Variants in DSCAML1 observed in about 807,000 individuals in gnomAD.
DSCAML1 encodes cell adhesion molecule DSCAML1.
A neutral mutation model predicts 200.5 loss-of-function variants in DSCAML1; 38 were observed. That is an observed-to-expected ratio of 0.19 (90% CI 0.15 to 0.25). DSCAML1 has a LOEUF of 0.25. DSCAML1 is among the 10% of genes least tolerant of loss of function. DSCAML1 has a pLI of 1.00. For synonymous variants in DSCAML1, 1,215 were observed against 1,165.0 expected (o/e 1.04, Z -0.87); for missense variants, 2,223 against 2,858.8 (o/e 0.78, Z 5.07).
At position 117,437,516 on chromosome 11, in the gene DSCAML1, G is replaced by T; in HGVS notation, c.4433-107C>A. 7.5e-7 allele frequency: 1 copy of T among 1,341,790 alleles called. No homozygotes were observed. The highest frequency in any genetic ancestry group is 1.0e-6 in the Non-Finnish European group (1 of 972,662). 83.1% of individuals were successfully genotyped at this position (1,341,790 alleles called of 1,614,324 possible). A position where few individuals can be genotyped will look rare whatever the true frequency, so the allele number is the denominator to read the frequency against. On this transcript the variant is annotated intron_variant, in intron 25 of 32. Coordinates refer to ENST00000651296, the MANE Select transcript of DSCAML1 (RefSeq NM_020693.4). This position sits in a 1 kb window ranked among gnomAD's most constrained non-coding sequence, Gnocchi z 5.3. Reference sequence around the variant, plus strand: ...CCCTGGGGCAGCTGGGATGGCAGTGGCTCCAGGAGAATACATGTTTGGCAC... The same window carrying T: ...CCCTGGGGCAGCTGGGATGGCAGTGTCTCCAGGAGAATACATGTTTGGCAC...
chr11:117,512,823 C>T (rs1438185904), intron 8 of DSCAML1, among the ~76,000 whole-genome samples: 2 of 151,136 alleles, frequency 1.3e-5, no homozygotes, highest in African/African-American at 4.9e-5. Context: ...CCCCCCACTT[C>T]CCTCCCTCTC....
chr11:117,728,530 A>G (rs565580900), intron 3 of DSCAML1, among the ~76,000 whole-genome samples: 25 of 50,422 alleles, frequency 5.0e-4, no homozygotes, highest in African/African-American at 7.4e-4. Flanking sequence ...GTAATCCTGT[A>G]TATAAAAAAC....
At chr11:117,509,453 G>GACCAGATC (rs1340507167) in intron 8 of DSCAML1, among the ~76,000 whole-genome samples, 1 of 152,154 alleles carries the variant, frequency 6.6e-6, no homozygotes. Context: ...ATGACCAGAT[G>GACCAGATC]ACCTCCCAGA....
chr11:117,702,761 T>A (rs956484177), intron 3 of DSCAML1, among the ~76,000 whole-genome samples: 2 of 152,212 alleles, frequency 1.3e-5, no homozygotes, highest in African/African-American at 4.8e-5. Context: ...ACTAGGTGTT[T>A]TAGCTTCATT....
At chr11:117,680,421 CCA>C (rs1349900512) in intron 3 of DSCAML1, among the ~76,000 whole-genome samples, 111 of 152,328 alleles carry the variant, frequency 7.3e-4, no homozygotes, top group African/African-American at 2.6e-3. Flanking sequence ...CCTGGCTAGG[CCA>C]CAGAGCAGAA....
intron 11 of DSCAML1, among the ~76,000 whole-genome samples, chr11:117,493,162 G>A (rs1031235099): frequency 1.3e-5 from 2 of 152,180 alleles, no homozygotes; most frequent in Non-Finnish European, 2.9e-5. Context: ...TGGGGGTCCA[G>A]TTGAGGCCCT....
intron 3 of DSCAML1, among the ~76,000 whole-genome samples, chr11:117,734,176 C>G (rs2054277574): frequency 1.3e-5 from 2 of 152,188 alleles, no homozygotes; most frequent in African/African-American, 4.8e-5. Flanking sequence ...TTTGGTCACT[C>G]CTCTTTTCTC....
intron 3 of DSCAML1, among the ~76,000 whole-genome samples, chr11:117,761,491 G>T (rs763963456): frequency 6.6e-6 from 1 of 152,250 alleles, no homozygotes; most frequent in Non-Finnish European, 1.5e-5. Flanking sequence ...ACATGGCTTG[G>T]ATTGAGTCCC....
At chr11:117,472,064 A>T in intron 14 of DSCAML1, 28 bp from the exon 15 acceptor site, 1 of 1,610,364 alleles carries the variant, frequency 6.2e-7, no homozygotes, top group Non-Finnish European at 8.5e-7. Context: ...ATGTCAAAGC[A>T]TGGCCAGGCA....
intron 16 of DSCAML1, among the ~76,000 whole-genome samples, chr11:117,466,662 G>A (rs2048586565): frequency 6.6e-6 from 1 of 152,110 alleles, no homozygotes; most frequent in African/African-American, 2.4e-5. Context: ...GATCGACAGA[G>A]TGAGACTCTG....
chr11:117,760,071 A>C (rs1407562491), intron 3 of DSCAML1, among the ~76,000 whole-genome samples: 2 of 151,924 alleles, frequency 1.3e-5, no homozygotes, highest in Non-Finnish European at 1.5e-5. Context: ...ACAACCTCCT[A>C]TCTCCGCACT....
At chr11:117,486,853 T>C (rs1592654390) in intron 11 of DSCAML1, among the ~76,000 whole-genome samples, 1 of 102,416 alleles carries the variant, frequency 9.8e-6, no homozygotes, top group African/African-American at 3.7e-5. Context: ...GTGATAAGTA[T>C]AAAATACATA....
At chr11:117,600,084 C>T (rs2051436324) in intron 3 of DSCAML1, among the ~76,000 whole-genome samples, 2 of 152,144 alleles carry the variant, frequency 1.3e-5, no homozygotes, top group Non-Finnish European at 2.9e-5. Context: ...AGAGGTATGG[C>T]GAGAAGGGAA....
chr11:117,458,063 ACTGTGCCTCCCTGGCGGCC>A (rs1347087358), intron 19 of DSCAML1, among the ~76,000 whole-genome samples: 2 of 135,910 alleles, frequency 1.5e-5, no homozygotes, highest in African/African-American at 2.7e-5. Flanking sequence ...CTGTTCATGC[ACTGTGCCTCCCTGGCGGCC>A]CTGGGGTAGT....
chr11:117,505,877 T>C lies in DSCAML1; in HGVS notation c.1784-145A>G. ...CACTGCAGCCTTGTTCTCCTATGCATGCAGGGTCTCCTAATGATGCCTGGC... is the reference window on the plus strand; with the variant it reads ...CACTGCAGCCTTGTTCTCCTATGCACGCAGGGTCTCCTAATGATGCCTGGC... On this transcript the variant is annotated intron_variant, in intron 8 of 32. Transcript: ENST00000651296. The surrounding 1 kb of genome is among the most constrained non-coding windows in gnomAD (Gnocchi z 6.7). The C allele has an allele frequency of 1.0e-6, 1 of 994,714 alleles. No homozygotes were observed. Among genetic ancestry groups the C allele is most frequent in the Non-Finnish European group, 1.4e-6 (1 of 693,012 alleles). The allele number at this position is 994,714 out of a possible 1,614,324, so 61.6% of individuals were successfully genotyped here. A position where few individuals can be genotyped will look rare whatever the true frequency, so the allele number is the denominator to read the frequency against.
intron 3 of DSCAML1, among the ~76,000 whole-genome samples, chr11:117,560,730 G>T (rs2050646628): frequency 6.6e-6 from 1 of 152,106 alleles, no homozygotes; most frequent in African/African-American, 2.4e-5. Context: ...AGAAAAATTG[G>T]CATAACATCC....
intron 3 of DSCAML1, among the ~76,000 whole-genome samples, chr11:117,746,576 G>A (rs1199368352): frequency 6.6e-6 from 1 of 152,140 alleles, no homozygotes; most frequent in Non-Finnish European, 1.5e-5. Flanking sequence ...CTGCCATTGG[G>A]GGCATCTTTC....
intron 3 of DSCAML1, among the ~76,000 whole-genome samples, chr11:117,747,138 T>C (rs1377652718): frequency 6.6e-6 from 1 of 152,152 alleles, no homozygotes; most frequent in Non-Finnish European, 1.5e-5. Context: ...CCCTTGCCCT[T>C]CCTGAGTCTT....
At chr11:117,770,612 T>C (rs2055019449) in intron 3 of DSCAML1, among the ~76,000 whole-genome samples, 1 of 151,498 alleles carries the variant, frequency 6.6e-6, no homozygotes, top group African/African-American at 2.4e-5. Context: ...GAGGTCTGAA[T>C]AAAATATGAA....
Sources: allele counts gnomAD v4.1 joint callset (sites outside exome capture counted in the v4.1 genomes callset), GRCh38; gene constraint gnomAD v4.1.1; non-coding constraint Gnocchi (gnomAD v3.1); transcripts MANE v1.5; gene names NCBI Gene and HGNC (gene_info 2026-07-23, HGNC 2026-07-21).